The following GPC6 variants were observed in gnomAD, a reference collection of about 807,000 sequenced individuals.
GPC6 encodes the protein glypican-6.
In GPC6, 14 loss-of-function variants were observed where a neutral mutation model predicts 55.2. The observed-to-expected ratio is 0.25, with a 90% CI of 0.17 to 0.40. The LOEUF is 0.40. Among genes scored for constraint, GPC6 ranks in the 10% least tolerant of loss-of-function variants. The pLI is 1.00. For synonymous variants in GPC6, 278 were observed against 259.6 expected (o/e 1.07, Z -0.68); for missense variants, 641 against 708.5 (o/e 0.90, Z 1.08).
At chr13:93,650,590 C>G (rs1043934420) in intron 2 of GPC6, among the ~76,000 whole-genome samples, 2 of 151,990 alleles carry the variant, frequency 1.3e-5, no homozygotes, top group African/African-American at 4.8e-5. Context: ...TGTTAACAGC[C>G]ATAAACATAG....
intron 2 of GPC6, among the ~76,000 whole-genome samples, chr13:93,705,111 A>T: frequency 6.6e-6 from 1 of 151,956 alleles, no homozygotes; most frequent in South Asian, 2.1e-4. Flanking sequence ...GGTACATAAA[A>T]TATGAATCAG....
chr13:94,022,143 A>G (rs1882720305), intron 3 of GPC6, among the ~76,000 whole-genome samples: 1 of 152,064 alleles, frequency 6.6e-6, no homozygotes, highest in Non-Finnish European at 1.5e-5. Flanking sequence ...ACAGTACACT[A>G]GTGTTAACTA....
Position 93,230,732 on chromosome 13 carries a change from T to C in GPC6, c.160+3116T>C, listed in dbSNP as rs528347687. Among the ~76,000 whole-genome samples the C allele has an allele frequency of 2.6e-5, 4 of 152,240 alleles. No individual in the cohort carries two copies. The South Asian group carries it at 8.3e-4, about 32-fold the overall frequency. Reference sequence around the variant, plus strand: ...GGTCAGTGTGAAACATTCTAGTCTTTCCTCATTCATCAGAATTATGACCTA... The same window carrying C: ...GGTCAGTGTGAAACATTCTAGTCTTCCCTCATTCATCAGAATTATGACCTA... On this transcript the variant is annotated intron_variant, in intron 1 of 8. Transcript: ENST00000377047.
chr13:93,223,335 C>CA (rs1177400004), upstream of GPC6, among the ~76,000 whole-genome samples: 1 of 152,144 alleles, frequency 6.6e-6, no homozygotes, highest in African/African-American at 2.4e-5. Flanking sequence ...TTGTGAAAAC[C>CA]AGCTGGGATG....
At chr13:94,210,385 A>C (rs1360840951) in intron 4 of GPC6, among the ~76,000 whole-genome samples, 1 of 151,126 alleles carries the variant, frequency 6.6e-6, no homozygotes, top group African/African-American at 2.4e-5. Context: ...CCAAACTCCT[A>C]ACCTCAGGTG....
intron 1 of GPC6, among the ~76,000 whole-genome samples, chr13:93,392,300 A>T (rs773550583): frequency 6.6e-6 from 1 of 152,230 alleles, no homozygotes; most frequent in Admixed American, 6.5e-5. Context: ...AACTACGACC[A>T]ATCATTACCA....
At chr13:93,646,872 A>C (rs1340673914) in intron 2 of GPC6, among the ~76,000 whole-genome samples, 1 of 150,328 alleles carries the variant, frequency 6.7e-6, no homozygotes. Flanking sequence ...AAAAAAAAAC[A>C]AAAAAAACAA....
rs1312305257 is a variant in GPC6 at position 94,119,247 on chromosome 13, G to GA, written c.877+91361dup. ...GCTGTGTTGGAGCTTACATTCTGGA[G>GA]AAAAAAAAGGGACAACAATGAAGTA... On this transcript the variant is annotated intron_variant, in intron 4 of 8. Transcript: ENST00000377047. Among the ~76,000 whole-genome samples the GA allele has an allele frequency of 1.1e-4, 16 of 151,204 alleles. No individual in the cohort carries two copies. The East Asian group carries it at 3.1e-3, about 29-fold the overall frequency.
intron 1 of GPC6, among the ~76,000 whole-genome samples, chr13:93,351,964 G>A (rs550544630): frequency 3.7e-4 from 56 of 152,118 alleles, no homozygotes; most frequent in Admixed American, 8.5e-4. Context: ...TTTTTGGTCC[G>A]TATATAACCA....
chr13:93,363,127 TTGTTTTTTTTA>T (rs1881105314), intron 1 of GPC6, among the ~76,000 whole-genome samples: 3 of 139,176 alleles, frequency 2.2e-5, no homozygotes, highest in African/African-American at 6.6e-5. Flanking sequence ...GTTTTTTTTT[TTGTTTTTTTTA>T]AAATTATTAT....
At chr13:93,833,096 T>G (rs1174699438) in intron 3 of GPC6, among the ~76,000 whole-genome samples, 3 of 119,324 alleles carry the variant, frequency 2.5e-5, no homozygotes, top group African/African-American at 3.1e-5. Flanking sequence ...GATGGGTAGA[T>G]AGGTAGATGA....
chr13:94,164,525 A>C (rs138714445), intron 4 of GPC6, among the ~76,000 whole-genome samples: 1,784 of 152,336 alleles, frequency 0.012, 19 homozygotes, highest in Middle Eastern at 0.041. Context: ...CCACAATGTG[A>C]AAGTGTAACA....
At chr13:94,024,625 A>G (rs572745917) in intron 3 of GPC6, among the ~76,000 whole-genome samples, 2 of 152,270 alleles carry the variant, frequency 1.3e-5, no homozygotes, top group South Asian at 2.1e-4. Flanking sequence ...GGAGACCCAC[A>G]TTTAACTTGA....
At chr13:93,848,731 G>T (rs12427786) in intron 3 of GPC6, among the ~76,000 whole-genome samples, 6,608 of 152,006 alleles carry the variant, frequency 0.043, 346 homozygotes, top group East Asian at 0.17. Context: ...CTTACCTTGC[G>T]GCCTGGTATC....
At chr13:93,714,251 AC>A (rs1268358706) in intron 2 of GPC6, among the ~76,000 whole-genome samples, 1 of 151,860 alleles carries the variant, frequency 6.6e-6, no homozygotes, top group Admixed American at 6.6e-5. Flanking sequence ...ATGAAAAACA[AC>A]CCCATTAGAA....
intron 2 of GPC6, among the ~76,000 whole-genome samples, chr13:93,697,872 C>G (rs939235360): frequency 1.3e-5 from 2 of 152,142 alleles, no homozygotes; most frequent in Admixed American, 6.6e-5. Flanking sequence ...AAAACAATAA[C>G]ATGCTTTCAT....
intron 2 of GPC6, among the ~76,000 whole-genome samples, chr13:93,745,111 A>G (rs536807399): frequency 6.6e-6 from 1 of 152,046 alleles, no homozygotes; most frequent in Admixed American, 6.6e-5. Context: ...ATGCAAATCC[A>G]GCTCATTCCC....
At chr13:94,267,292 T>C (rs1891847630) in intron 4 of GPC6, among the ~76,000 whole-genome samples, 1 of 152,114 alleles carries the variant, frequency 6.6e-6, no homozygotes, top group Admixed American at 6.5e-5. Flanking sequence ...AATGGTAACC[T>C]ATAAGGGTTA....
chr13:94,314,821 C>T (rs1404570074), intron 6 of GPC6, among the ~76,000 whole-genome samples: 2 of 152,170 alleles, frequency 1.3e-5, no homozygotes, highest in African/African-American at 4.8e-5. Context: ...AATCAATCAG[C>T]TTCTAACAGA....
Sources: gnomAD v4.1 joint callset for allele counts (sites outside exome capture counted in the v4.1 genomes callset) on GRCh38, gnomAD v4.1.1 for gene constraint, MANE v1.5 for transcripts, NCBI Gene and HGNC (gene_info 2026-07-23, HGNC 2026-07-21) for gene names.